The following KIRREL1 variants were observed in gnomAD, a reference collection of about 807,000 sequenced individuals.
The protein encoded by KIRREL1 is kirre like nephrin family adhesion molecule 1, also known as kin of IRRE-like protein 1.
In KIRREL1, 25 loss-of-function variants were observed where a neutral mutation model predicts 83.3. The ratio of observed to expected loss-of-function variants is 0.30; its 90% CI spans 0.22 to 0.42. KIRREL1 has a LOEUF of 0.42. KIRREL1 is among the 10% of genes least tolerant of loss of function. The pLI is 1.00. For synonymous variants in KIRREL1, 388 were observed against 410.4 expected (o/e 0.95, Z 0.66); for missense variants, 812 against 1,032.3 (o/e 0.79, Z 2.92).
chr1:158,054,205 T>C (rs1333004354), intron 1 of KIRREL1, among the ~76,000 whole-genome samples: 4 of 75,976 alleles, frequency 5.3e-5, no homozygotes, highest in Non-Finnish European at 9.4e-5. Flanking sequence ...AGAGCAAGAC[T>C]CCATCTCAAA....
At chr1:158,028,939 G>C (rs1660244124) in intron 1 of KIRREL1, among the ~76,000 whole-genome samples, 1 of 152,070 alleles carries the variant, frequency 6.6e-6, no homozygotes, top group African/African-American at 2.4e-5. Flanking sequence ...CTACCTAGAG[G>C]GCTCATATCC....
chr1:158,040,961 T>A (rs1024029420), intron 1 of KIRREL1, among the ~76,000 whole-genome samples: 2 of 150,660 alleles, frequency 1.3e-5, no homozygotes, highest in African/African-American at 4.9e-5. Context: ...ACTCTAGGGG[T>A]AGGGGGAGCT....
In KIRREL1 at chr1:158,094,375, G is replaced by A. The variant is rs772715226; in HGVS notation, c.1782G>A (p.Glu594=). Residue 594 remains glutamate, a synonymous_variant, in exon 14 of 15, where the codon GAG becomes GAA. Coordinates refer to ENST00000359209, the MANE Select transcript of KIRREL1 (RefSeq NM_018240.7). This position sits in a 1 kb window ranked among gnomAD's most constrained non-coding sequence, Gnocchi z 4.6. ...GCTGCGACACCATCGACACCCGGGAGGAGTATGAGATGAAGGTGGGAAAGG... is the reference window on the plus strand; with the variant it reads ...GCTGCGACACCATCGACACCCGGGAAGAGTATGAGATGAAGGTGGGAAAGG... ...DLRCDTIDTR[E]EYEMKDPTNG... The A allele has an allele frequency of 5.0e-6, 8 of 1,612,804 alleles. No individual in the cohort carries two copies. Among genetic ancestry groups the A allele is most frequent in the Non-Finnish European group, 6.8e-6 (8 of 1,179,668 alleles).
At chr1:158,083,991 G>A (rs892893832) in intron 3 of KIRREL1, among the ~76,000 whole-genome samples, 1 of 152,090 alleles carries the variant, frequency 6.6e-6, no homozygotes, top group Non-Finnish European at 1.5e-5. Flanking sequence ...TTAGCTGGGA[G>A]CAGTGGTGGG....
At chr1:158,012,508 A>T (rs574503018) in intron 1 of KIRREL1, among the ~76,000 whole-genome samples, 11 of 152,348 alleles carry the variant, frequency 7.2e-5, no homozygotes, top group African/African-American at 2.4e-4. Context: ...CAGTGGTATA[A>T]GTTAGCTCTT....
chr1:158,091,887 C>T lies in KIRREL1; in HGVS notation c.1471+331C>T, dbSNP rs1390870980. On this transcript the variant is annotated intron_variant, in intron 11 of 14. Transcript: ENST00000359209. ...GCATTTGCTATGTGCCAGGCTCTGC[C>T]CCAGGGGCTGCAGAAAGAGCTGTGA... 3.9e-5 allele frequency among the ~76,000 whole-genome samples: 6 copies of T among 152,328 alleles called. No individual in the cohort carries two copies. The South Asian group carries it at 6.2e-4, about 16-fold the overall frequency.
At chr1:158,043,322 C>G (rs1660690668) in intron 1 of KIRREL1, among the ~76,000 whole-genome samples, 2 of 152,196 alleles carry the variant, frequency 1.3e-5, no homozygotes, top group Non-Finnish European at 2.9e-5. Flanking sequence ...CCTCATTCCC[C>G]CCTTATGGAA....
chr1:158,046,058 T>C (rs1012938247), intron 1 of KIRREL1, among the ~76,000 whole-genome samples: 1 of 152,206 alleles, frequency 6.6e-6, no homozygotes, highest in Non-Finnish European at 1.5e-5. Context: ...GTATAATTCA[T>C]GTTTTAACAG....
Position 158,093,398 on chromosome 1 carries a change from T to A in KIRREL1, c.1531T>A (p.Phe511Ile), listed in dbSNP as rs773983248. ...ATIGASILLIFFFIALVFFLY... is the reference protein window; with the variant it reads ...ATIGASILLIIFFIALVFFLY... ...CATCGGCGCGAGCATCCTGCTCATC[T>A]TCTTCTTCATCGCCTTGGTATTCTT... is the stretch of plus-strand genomic sequence containing the variant. The change falls in exon 12 of 15, where the codon TTC (phenylalanine) becomes ATC (isoleucine). Residue 511 changes from phenylalanine (F) to isoleucine (I), a missense_variant. This residue lies in a region of KIRREL1 where 334 missense variants were observed against 383.7 expected (regional missense o/e 0.87). Coordinates refer to ENST00000359209, the MANE Select transcript of KIRREL1 (RefSeq NM_018240.7). 3 of 1,614,082 alleles carry A rather than the reference T, an allele frequency of 1.9e-6. No individual in the cohort carries two copies. The highest frequency in any genetic ancestry group is 1.3e-5 in the African/African-American group (1 of 74,946).
At chr1:157,996,757 G>A (rs2101614668) in intron 1 of KIRREL1, among the ~76,000 whole-genome samples, 1 of 152,298 alleles carries the variant, frequency 6.6e-6, no homozygotes, top group African/African-American at 2.4e-5. Context: ...GGGAGACATG[G>A]CAGAAACCAG....
intron 1 of KIRREL1, among the ~76,000 whole-genome samples, chr1:158,019,200 G>A (rs1046988841): frequency 2.0e-5 from 3 of 152,132 alleles, no homozygotes; most frequent in Non-Finnish European, 4.4e-5. Context: ...ACAAAGGCAA[G>A]AAAAGGGAGA....
chr1:158,086,746 C>T lies in KIRREL1; in HGVS notation c.661C>T (p.His221Tyr), dbSNP rs780474346. ...KETSIELDVH[H>Y]PPTVTLSIEP... ...GACTTCCATCGAGCTGGATGTGCAC[C>T]GTGAGTGGGCTGGGGGGAGCAGTCT... The change falls in exon 5 of 15, where the codon CAC becomes TAC. Residue 221 changes from histidine to tyrosine, a missense_variant and splice_region_variant. Physicochemically the swap from His to Tyr is moderately conservative, Grantham distance 83. This residue lies in a region of KIRREL1 where 472 missense variants were observed against 626.8 expected (regional missense o/e 0.75). Transcript: ENST00000359209. 1.2e-5 allele frequency: 18 copies of T among 1,550,640 alleles called. No homozygotes were observed. The highest frequency in any genetic ancestry group is 4.1e-5 in the African/African-American group (3 of 72,798).
At chr1:158,042,210 AGG>A (rs1660648068) in intron 1 of KIRREL1, among the ~76,000 whole-genome samples, 1 of 106,160 alleles carries the variant, frequency 9.4e-6, no homozygotes, top group Admixed American at 1.0e-4. Context: ...GGTCTTCTCC[AGG>A]GTGTGTGTGT....
At chr1:158,053,361 T>C (rs1027554465) in intron 1 of KIRREL1, among the ~76,000 whole-genome samples, 1 of 152,180 alleles carries the variant, frequency 6.6e-6, no homozygotes, top group Non-Finnish European at 1.5e-5. Flanking sequence ...GTCCTATCTT[T>C]CATAAACAAT....
chr1:158,022,427 C>T (rs1660025279), intron 1 of KIRREL1, among the ~76,000 whole-genome samples: 1 of 152,154 alleles, frequency 6.6e-6, no homozygotes, highest in Non-Finnish European at 1.5e-5. Flanking sequence ...TGCAAACTGC[C>T]CAGTGCCACC....
At chr1:158,010,348 CACACACACACACA>C (rs1227424686) in intron 1 of KIRREL1, among the ~76,000 whole-genome samples, 3,681 of 148,034 alleles carry the variant, frequency 0.025, 86 homozygotes, top group Middle Eastern at 0.069. Flanking sequence ...CACACACACA[CACACACACACACA>C]CCCCACACAG....
chr1:158,027,773 A>G (rs1247029768), intron 1 of KIRREL1, among the ~76,000 whole-genome samples: 1 of 152,196 alleles, frequency 6.6e-6, no homozygotes, highest in Non-Finnish European at 1.5e-5. Flanking sequence ...TAGGTCCTCA[A>G]TATGTTTGTG....
chr1:158,088,186 G>A, intron 7 of KIRREL1, 32 bp downstream of exon 7: 1 of 1,614,026 alleles, frequency 6.2e-7, no homozygotes. Context: ...GACGGGGACA[G>A]AGAGCAGGGG....
intron 1 of KIRREL1, among the ~76,000 whole-genome samples, chr1:158,055,680 C>T (rs1443321510): frequency 1.3e-5 from 2 of 152,220 alleles, no homozygotes; most frequent in Admixed American, 6.5e-5. Flanking sequence ...GCTGCCTAGG[C>T]GCCCTCCCTG....
Sources: gnomAD v4.1 joint callset for allele counts (sites outside exome capture counted in the v4.1 genomes callset) on GRCh38, gnomAD v4.1.1 for gene constraint, gnomAD v4.1.1 regional missense constraint, Gnocchi (gnomAD v3.1) non-coding constraint, MANE v1.5 for transcripts, NCBI Gene and HGNC (gene_info 2026-07-23, HGNC 2026-07-21) for gene names.